The following CTIF variants were observed in gnomAD, a reference collection of about 807,000 sequenced individuals.
The protein encoded by CTIF is cap binding complex dependent translation initiation factor.
In CTIF, 21 loss-of-function variants were observed where a neutral mutation model predicts 66.0. That is an observed-to-expected ratio of 0.32 (90% confidence interval 0.23 to 0.46). The LOEUF (loss-of-function observed/expected upper bound fraction) is 0.46, where lower values mean the gene tolerates loss of function less well. Among genes scored for constraint, CTIF ranks in the 20% least tolerant of loss-of-function variants. The pLI is 1.00. For synonymous variants in CTIF, 345 were observed against 326.4 expected, an observed-to-expected ratio of 1.06 and a Z score of -0.62; for missense variants, 739 against 812.7, an observed-to-expected ratio of 0.91 and a Z score of 1.10.
intron 9 of CTIF, among the ~76,000 whole-genome samples, chr18:48,781,537 G>C (rs1911220393): frequency 6.6e-6 from 1 of 152,166 alleles, no homozygotes; most frequent in South Asian, 2.1e-4. Flanking sequence ...GCGTCTGCCG[G>C]CGAGGGTGGC....
intron 9 of CTIF, among the ~76,000 whole-genome samples, chr18:48,778,900 T>C (rs950534305): frequency 1.3e-5 from 2 of 152,208 alleles, no homozygotes; most frequent in African/African-American, 4.8e-5. Context: ...AGTTTGTTTC[T>C]TTTTGTTCTG....
At chr18:48,664,860 C>A (rs1047276638) in intron 5 of CTIF, among the ~76,000 whole-genome samples, 1 of 152,096 alleles carries the variant, frequency 6.6e-6, no homozygotes, top group African/African-American at 2.4e-5. Context: ...ACAGGCCCAC[C>A]CCAGAGTCTG....
At chr18:48,731,188 G>A (rs1250740429) in intron 7 of CTIF, among the ~76,000 whole-genome samples, 1 of 152,024 alleles carries the variant, frequency 6.6e-6, no homozygotes, top group Non-Finnish European at 1.5e-5. Flanking sequence ...TACCCTGTTG[G>A]GGTTTAAAAC....
chr18:48,670,495 C>T, intron 5 of CTIF, 174 bp from the exon 6 acceptor site: 2 of 516,796 alleles, frequency 3.9e-6, no homozygotes, highest in Admixed American at 3.2e-5. Context: ...ACCCCCCCCC[C>T]ACACACACAC....
chr18:48,730,058 C>G (rs1568170424), intron 7 of CTIF, among the ~76,000 whole-genome samples: 1 of 152,202 alleles, frequency 6.6e-6, no homozygotes, highest in Non-Finnish European at 1.5e-5. Context: ...CCAGCGCAGT[C>G]ACCACGAGCT....
rs530069446 is a variant in CTIF at position 48,553,908 on chromosome 18, G to T, written c.-29+14596G>T. Among the ~76,000 whole-genome samples the T allele has an allele frequency of 2.6e-5, 4 of 152,066 alleles. No homozygotes were observed. The East Asian group carries it at 7.7e-4, about 29-fold the overall frequency. ...AATCTCCTGACCTCGTAATCTGCCTGCCTCGGCCTCCCAAAGTGCTGGGAT... is the reference window on the plus strand; with the variant it reads ...AATCTCCTGACCTCGTAATCTGCCTTCCTCGGCCTCCCAAAGTGCTGGGAT... On this transcript the variant is annotated intron_variant, in intron 1 of 11. Coordinates refer to ENST00000256413, the MANE Select transcript of CTIF (RefSeq NM_014772.3).
chr18:48,862,031 T>TGGAA lies in CTIF; in HGVS notation c.*2477_*2480dup, dbSNP rs1392385888. 1 of 151,888 alleles carries TGGAA rather than the reference T, an allele frequency of 6.6e-6. No individual in the cohort carries two copies. The allele number at this position is 151,888 out of a possible 1,614,324, so 9.4% of individuals were successfully genotyped here. A position where few individuals can be genotyped will look rare whatever the true frequency, so the allele number is the denominator to read the frequency against. Reference sequence around the variant, plus strand: ...CAGGTTGCTGCTCCTTTTTCAGATATGGAAGGAAAACGTTAAGACTATTTT... The same window carrying TGGAA: ...CAGGTTGCTGCTCCTTTTTCAGATATGGAAGGAAGGAAAACGTTAAGACTATTTT... On this transcript the variant is annotated 3_prime_UTR_variant, in exon 12 of 12. Coordinates refer to ENST00000256413, the MANE Select transcript of CTIF (RefSeq NM_014772.3).
intron 3 of CTIF, among the ~76,000 whole-genome samples, chr18:48,657,764 C>G (rs778945706): frequency 6.6e-6 from 1 of 152,082 alleles, no homozygotes; most frequent in East Asian, 1.9e-4. Flanking sequence ...AGAGAACATT[C>G]TTTTGTTTTC....
intron 9 of CTIF, among the ~76,000 whole-genome samples, chr18:48,789,396 A>C (rs775821105): frequency 9.2e-5 from 14 of 152,208 alleles, no homozygotes; most frequent in Non-Finnish European, 1.8e-4. Flanking sequence ...TAATGTAGTA[A>C]AGGGCATAAT....
At chr18:48,539,842 C>T (rs2088563279) in intron 1 of CTIF, 1 of 152,582 alleles carries the variant, frequency 6.6e-6, no homozygotes, top group Non-Finnish European at 1.5e-5. Context: ...GTAGGGAGCC[C>T]GTCTCGGGGT....
chr18:48,707,503 T>C (rs1307104889), intron 6 of CTIF, among the ~76,000 whole-genome samples: 3 of 152,138 alleles, frequency 2.0e-5, no homozygotes, highest in Admixed American at 6.5e-5. Context: ...ACTTTTCATT[T>C]TGATTGATCT....
chr18:48,543,657 A>T (rs2088678525), intron 1 of CTIF, among the ~76,000 whole-genome samples: 1 of 152,200 alleles, frequency 6.6e-6, no homozygotes, highest in Admixed American at 6.5e-5. Flanking sequence ...TCTGATCTTC[A>T]CGTGAAGACC....
chr18:48,653,664 C>T (rs538520328), intron 3 of CTIF, among the ~76,000 whole-genome samples: 1 of 152,308 alleles, frequency 6.6e-6, no homozygotes, highest in African/African-American at 2.4e-5. Flanking sequence ...GCCCGCATTG[C>T]CAAGACAATC....
chr18:48,822,955 T>C (rs1296022475), intron 10 of CTIF, among the ~76,000 whole-genome samples: 1 of 152,240 alleles, frequency 6.6e-6, no homozygotes, highest in Non-Finnish European at 1.5e-5. Context: ...CCATTTTCCA[T>C]GTCTTCTTTG....
chr18:48,666,174 T>C lies in CTIF; in HGVS notation c.431+1623T>C, dbSNP rs560198893. On this transcript the variant is annotated intron_variant, in intron 5 of 11. Transcript: ENST00000256413. ...GTTTTATTATGATACTGATGACCCTTACTTTTCCTTCCAGCCCTCCCCTGC... is the reference window on the plus strand; with the variant it reads ...GTTTTATTATGATACTGATGACCCTCACTTTTCCTTCCAGCCCTCCCCTGC... 1.7e-4 allele frequency among the ~76,000 whole-genome samples: 26 copies of C among 152,318 alleles called. No individual in the cohort carries two copies. The South Asian group carries it at 4.8e-3, about 28-fold the overall frequency.
At chr18:48,580,341 G>T (rs559238309) in intron 1 of CTIF, among the ~76,000 whole-genome samples, 43 of 152,340 alleles carry the variant, frequency 2.8e-4, no homozygotes, top group African/African-American at 9.9e-4. Flanking sequence ...CAGAGGGATA[G>T]TGTAGCCTCA....
chr18:48,681,202 A>G lies in CTIF; in HGVS notation c.507+10458A>G, dbSNP rs564450125. ...TTCCTTCCATTGTGAGCTGCTGCAC[A>G]ATCCCAGGCCCCTCTGTTCTATACA... is the stretch of plus-strand genomic sequence containing the variant. On this transcript the variant is annotated intron_variant, in intron 6 of 11. Transcript: ENST00000256413. Among the ~76,000 whole-genome samples the G allele has an allele frequency of 4.6e-5, 7 of 152,356 alleles. No individual in the cohort carries two copies. The South Asian group carries it at 1.4e-3, about 32-fold the overall frequency.
At chr18:48,549,366 G>A (rs757869811) in intron 1 of CTIF, among the ~76,000 whole-genome samples, 27 of 152,144 alleles carry the variant, frequency 1.8e-4, no homozygotes, top group Non-Finnish European at 1.9e-4. Flanking sequence ...GAAAACCATC[G>A]GGCTTGTGGG....
rs2092447731 is a variant in CTIF at position 48,730,712 on chromosome 18, C to CGCGGTGTGAGGAGCCCCT, written c.584+19028_584+19029insAGCCCCTGCGGTGTGAGG. 5.6e-5 allele frequency among the ~76,000 whole-genome samples: 4 copies of CGCGGTGTGAGGAGCCCCT among 71,174 alleles called. 1 individual carries two copies. The highest frequency in any genetic ancestry group is 7.0e-5 in the African/African-American group (1 of 14,324). The allele number at this position is 71,174 out of a possible 152,430, so 46.7% of individuals were successfully genotyped here. ...GAGCCCCTGAGGTGTGAGGGGCTTCCGCGGTGTGAGGGGCTTCCGTGGTGT... is the reference window on the plus strand; with the variant it reads ...GAGCCCCTGAGGTGTGAGGGGCTTCCGCGGTGTGAGGAGCCCCTGCGGTGTGAGGGGCTTCCGTGGTGT... On this transcript the variant is annotated intron_variant, in intron 7 of 11. Coordinates refer to ENST00000256413, the MANE Select transcript of CTIF (RefSeq NM_014772.3).
Sources: allele counts gnomAD v4.1 joint callset (sites outside exome capture counted in the v4.1 genomes callset), GRCh38; gene constraint gnomAD v4.1.1; transcripts MANE v1.5; gene names NCBI Gene and HGNC (gene_info 2026-07-23, HGNC 2026-07-21).